The following CADM2 variants were observed in gnomAD, a reference collection of about 807,000 sequenced individuals.
The protein encoded by CADM2 is immunoglobulin superfamily member 4D.
A neutral mutation model predicts 49.8 loss-of-function variants in CADM2; 12 were observed. The ratio of observed to expected loss-of-function variants is 0.24; its 90% CI spans 0.15 to 0.39. The LOEUF (loss-of-function observed/expected upper bound fraction) is 0.39. CADM2 is among the 10% of genes least tolerant of loss of function. The pLI is 1.00. For missense variants in CADM2, 378 were observed against 492.3 expected, an observed-to-expected ratio of 0.77 and a Z score of 2.20; for synonymous variants, 214 against 175.4, an observed-to-expected ratio of 1.22 and a Z score of -1.74.
intron 1 of CADM2, among the ~76,000 whole-genome samples, chr3:85,538,968 T>C (rs911351582): frequency 5.3e-4 from 81 of 152,100 alleles, no homozygotes; most frequent in African/African-American, 1.8e-3. Flanking sequence ...AGACTGAATA[T>C]ATTTGTGAGA....
At chr3:84,962,880 A>G (rs916622494) in intron 1 of CADM2, among the ~76,000 whole-genome samples, 5 of 151,068 alleles carry the variant, frequency 3.3e-5, no homozygotes, top group Non-Finnish European at 7.4e-5. Context: ...TATCACCTAT[A>G]TTTTTTACCT....
intron 1 of CADM2, among the ~76,000 whole-genome samples, chr3:85,302,378 A>C (rs934497039): frequency 3.3e-5 from 5 of 152,032 alleles, no homozygotes; most frequent in African/African-American, 1.2e-4. Context: ...AGGAATCCTG[A>C]GTATGTCCAT....
intron 7 of CADM2, among the ~76,000 whole-genome samples, chr3:85,950,228 A>G (rs879584350): frequency 4.0e-5 from 6 of 151,264 alleles, no homozygotes; most frequent in Non-Finnish European, 5.9e-5. Context: ...TGATCTTTTA[A>G]CTGGGAATTA....
intron 1 of CADM2, among the ~76,000 whole-genome samples, chr3:85,638,532 A>G (rs1296652196): frequency 1.3e-5 from 2 of 152,126 alleles, no homozygotes; most frequent in Non-Finnish European, 2.9e-5. Flanking sequence ...GTTATAAGAA[A>G]TTCACATAAT....
chr3:85,369,334 C>T (rs894635429), intron 1 of CADM2, among the ~76,000 whole-genome samples: 3 of 152,022 alleles, frequency 2.0e-5, no homozygotes, highest in Non-Finnish European at 2.9e-5. Context: ...GATGGTGGTC[C>T]CAGAAGATTA....
chr3:85,413,700 A>T (rs1385698764), intron 1 of CADM2, among the ~76,000 whole-genome samples: 1 of 152,096 alleles, frequency 6.6e-6, no homozygotes, highest in Non-Finnish European at 1.5e-5. Context: ...CACAGGGGGA[A>T]ATCCACCCTC....
At chr3:85,992,288 G>C (rs1728874660) in intron 8 of CADM2, 1 of 151,932 alleles carries the variant, frequency 6.6e-6, no homozygotes, top group Admixed American at 6.6e-5. Context: ...TTTATGTCAT[G>C]ATCATCTTAA....
At chr3:85,338,445 GC>G (rs946129777) in intron 1 of CADM2, among the ~76,000 whole-genome samples, 50 of 151,464 alleles carry the variant, frequency 3.3e-4, no homozygotes, top group Non-Finnish European at 5.6e-4. Flanking sequence ...AGTAATCTGT[GC>G]AATAGCCCCG....
chr3:85,613,391 A>G (rs2063725157), intron 1 of CADM2, among the ~76,000 whole-genome samples: 1 of 151,718 alleles, frequency 6.6e-6, no homozygotes, highest in Non-Finnish European at 1.5e-5. Context: ...TATGTATGGT[A>G]TTTTCCACCC....
chr3:85,321,116 ATTTTTTTTTTTTTTTTTTTT>A lies in CADM2; in HGVS notation c.61+361479_61+361498del, dbSNP rs1157576505. Among the ~76,000 whole-genome samples the A allele has an allele frequency of 8.6e-3, 235 of 27,444 alleles. 10 individuals carry two copies. Among genetic ancestry groups the A allele is most frequent in the Non-Finnish European group, 9.8e-3 (150 of 15,250 alleles). The allele number at this position is 27,444 out of a possible 152,430, so 18.0% of individuals were successfully genotyped here. ...CATATATATATATATATATATATAT[ATTTTTTTTTTTTTTTTTTTT>A]TTTTTTTTTTTTTTTTTTTTTTTTT... On this transcript the variant is annotated intron_variant, in intron 1 of 9. Coordinates refer to ENST00000383699, the MANE Select transcript of CADM2 (RefSeq NM_001167675.2).
intron 3 of CADM2, among the ~76,000 whole-genome samples, chr3:85,820,967 AT>A (rs1159001689): frequency 1.3e-5 from 2 of 152,178 alleles, no homozygotes; most frequent in Non-Finnish European, 2.9e-5. Flanking sequence ...GACTTGCAGA[AT>A]TCTACTTCTG....
chr3:85,158,632 A>G (rs556261340), intron 1 of CADM2, among the ~76,000 whole-genome samples: 1 of 152,226 alleles, frequency 6.6e-6, no homozygotes, highest in African/African-American at 2.4e-5. Flanking sequence ...ATAGGTGGGA[A>G]TTGAACAATG....
intron 1 of CADM2, among the ~76,000 whole-genome samples, chr3:85,444,468 C>CA (rs1559843288): frequency 1.3e-5 from 2 of 150,972 alleles, no homozygotes; most frequent in African/African-American, 2.4e-5. Flanking sequence ...CACACACACA[C>CA]CCTTGCCCCA....
At chr3:85,801,025 C>G (rs781598124) in intron 2 of CADM2, 22 of 152,132 alleles carry the variant, frequency 1.4e-4, no homozygotes, top group Non-Finnish European at 2.6e-4. Context: ...GTAAATTATC[C>G]TTGACTTAAT....
intron 8 of CADM2, among the ~76,000 whole-genome samples, chr3:86,044,810 A>T (rs1037541867): frequency 1.3e-5 from 2 of 152,208 alleles, no homozygotes; most frequent in Admixed American, 6.5e-5. Flanking sequence ...GAACCAACCC[A>T]AATGTCCAAC....
chr3:85,651,057 A>G (rs2065029275), intron 1 of CADM2, among the ~76,000 whole-genome samples: 1 of 151,658 alleles, frequency 6.6e-6, no homozygotes. Context: ...GAACAACTTT[A>G]ACCAATGAAA....
intron 1 of CADM2, among the ~76,000 whole-genome samples, chr3:85,623,702 C>T (rs563313186): frequency 9.9e-5 from 15 of 152,246 alleles, no homozygotes; most frequent in Middle Eastern, 3.4e-3. Flanking sequence ...GATATATAAA[C>T]CCAAATGTTA....
At chr3:85,354,365 A>AG (rs1348699271) in intron 1 of CADM2, among the ~76,000 whole-genome samples, 1 of 49,432 alleles carries the variant, frequency 2.0e-5, no homozygotes, top group Admixed American at 3.3e-4. Flanking sequence ...GGGTGGGGGG[A>AG]GGGGGGAGGG....
chr3:85,128,585 A>C (rs1378560595), intron 1 of CADM2, among the ~76,000 whole-genome samples: 1 of 152,174 alleles, frequency 6.6e-6, no homozygotes, highest in Non-Finnish European at 1.5e-5. Context: ...GCCTCATGAC[A>C]AGTCAGAAGG....
Sources: gnomAD v4.1 joint callset for allele counts (sites outside exome capture counted in the v4.1 genomes callset) on GRCh38, gnomAD v4.1.1 for gene constraint, MANE v1.5 for transcripts, NCBI Gene and HGNC (gene_info 2026-07-23, HGNC 2026-07-21) for gene names.